GSE1: variants seen among roughly 807,000 people sequenced by gnomAD.
The protein encoded by GSE1 is Gse1 coiled-coil protein, also known as genetic suppressor element 1.
Under a neutral mutation model 112.6 loss-of-function variants are expected in GSE1, and 32 were observed. That is an observed-to-expected ratio of 0.28 (90% CI 0.21 to 0.38). The LOEUF is 0.38. Ranked by LOEUF, GSE1 falls within the 10% of genes least tolerant of loss-of-function variation. The probability of loss-of-function intolerance (pLI) is 1.00; values close to 1 mark genes in which losing one functional copy is unlikely to be tolerated. For missense variants in GSE1, 2,348 were observed against 1,699.2 expected (o/e 1.38, Z -6.71); for synonymous variants, 1,115 against 735.6 (o/e 1.52, Z -8.35).
At chr16:85,555,012 G>A (rs2045128817), upstream of GSE1, 2 of 985,240 alleles carry the variant, frequency 2.0e-6, no homozygotes, top group Non-Finnish European at 2.4e-6. Flanking sequence ...GCCCGGCTCG[G>A]CGGCCGCGCG....
At chr16:85,616,949 A>G (rs796938552) in intron 1 of GSE1, among the ~76,000 whole-genome samples, 11 of 152,264 alleles carry the variant, frequency 7.2e-5, no homozygotes, top group African/African-American at 2.4e-4. Context: ...ATGCCTGCCA[A>G]ACGCACACTC....
chr16:85,441,589 G>C (rs147403735), intron 2 of GSE1, among the ~76,000 whole-genome samples: 1 of 151,462 alleles, frequency 6.6e-6, no homozygotes, highest in African/African-American at 2.4e-5. Context: ...AGAGGTTGCA[G>C]TGAGCCAAGA....
chr16:85,521,714 G>C (rs1047528468), intron 2 of GSE1, among the ~76,000 whole-genome samples: 1 of 152,264 alleles, frequency 6.6e-6, no homozygotes, highest in Non-Finnish European at 1.5e-5. Flanking sequence ...GGAGGAGCAG[G>C]AGTGTGTTGC....
chr16:85,528,638 T>TTTTTGTTTTG (rs71151301), intron 2 of GSE1, among the ~76,000 whole-genome samples: 11,082 of 145,104 alleles, frequency 0.076, 476 homozygotes, highest in Middle Eastern at 0.13. Context: ...GGATTGCTGT[T>TTTTTGTTTTG]TTTTGTTTTG....
chr16:85,571,162 A>G (rs1283090899), intron 1 of GSE1, among the ~76,000 whole-genome samples: 2 of 152,120 alleles, frequency 1.3e-5, no homozygotes, highest in Non-Finnish European at 2.9e-5. Flanking sequence ...CTTTCTAACA[A>G]GGCACAGGGG....
rs532425809 is a variant in GSE1 at position 85,618,411 on chromosome 16, G to A, written c.7+5013G>A. 2.4e-4 allele frequency among the ~76,000 whole-genome samples: 37 copies of A among 152,332 alleles called. 1 individual carries two copies. The highest frequency in any genetic ancestry group is 6.8e-3 in the Middle Eastern group (2 of 294). On this transcript the variant is annotated intron_variant, in intron 1 of 15. Coordinates refer to ENST00000253458, the MANE Select transcript of GSE1 (RefSeq NM_014615.5). ...GGTGAGGGTTGAGAAGGCCTGGAGCGTGGGGTGAGCCCCTGATGAGTGTCA... is the reference window on the plus strand; with the variant it reads ...GGTGAGGGTTGAGAAGGCCTGGAGCATGGGGTGAGCCCCTGATGAGTGTCA...
chr16:85,194,105 C>G (rs972149841), intron 1 of GSE1, among the ~76,000 whole-genome samples: 4 of 152,198 alleles, frequency 2.6e-5, no homozygotes, highest in African/African-American at 7.2e-5. Flanking sequence ...TCTGACTCAA[C>G]GACGTAGCAG....
chr16:85,583,142 A>T (rs1296394498), intron 1 of GSE1, among the ~76,000 whole-genome samples: 1 of 152,108 alleles, frequency 6.6e-6, no homozygotes, highest in Non-Finnish European at 1.5e-5. Context: ...GGGGGACGGT[A>T]GGAAACGCTG....
chr16:85,382,179 C>T (rs769051586), intron 2 of GSE1, among the ~76,000 whole-genome samples: 5 of 152,260 alleles, frequency 3.3e-5, no homozygotes, highest in East Asian at 3.9e-4. Context: ...TGCTGGGGCC[C>T]GGGGCTCGCT....
rs1598739103 is a variant in GSE1 at position 85,672,667 on chromosome 16, A to G, written c.*128A>G. ...ATGAGAATGTGCCATGCATGAAGCAAAGGATTCCAGGCTCCAGAAAAAATG... is the reference window on the plus strand; with the variant it reads ...ATGAGAATGTGCCATGCATGAAGCAGAGGATTCCAGGCTCCAGAAAAAATG... On this transcript the variant is annotated 3_prime_UTR_variant, in exon 16 of 16. Coordinates refer to ENST00000253458, the MANE Select transcript of GSE1 (RefSeq NM_014615.5). 1.7e-6 allele frequency: 1 copy of G among 593,582 alleles called. No individual in the cohort carries two copies. Among genetic ancestry groups the G allele is most frequent in the East Asian group, 3.1e-5 (1 of 32,102 alleles). 36.8% of individuals were successfully genotyped at this position (593,582 alleles called of 1,614,324 possible).
At chr16:85,201,772 T>C (rs540983624) in intron 1 of GSE1, among the ~76,000 whole-genome samples, 30 of 152,268 alleles carry the variant, frequency 2.0e-4, no homozygotes, top group African/African-American at 7.2e-4. Context: ...TCTCTACGTG[T>C]TGGAGATGTG....
rs145431199 is a variant in GSE1 at position 85,432,073 on chromosome 16, C to T, written c.2464+74430C>T. On this transcript the variant is annotated intron_variant, in intron 2 of 2. Transcript: ENST00000637419. ...GCACGCCCCCGAACTCACCCCTCACCCCTCTTCCCCCATAAACGACCACTG... is the reference window on the plus strand; with the variant it reads ...GCACGCCCCCGAACTCACCCCTCACTCCTCTTCCCCCATAAACGACCACTG... Among the ~76,000 whole-genome samples the T allele has an allele frequency of 2.3e-3, 351 of 152,340 alleles. 2 individuals carry two copies. The highest frequency in any genetic ancestry group is 6.8e-3 in the Middle Eastern group (2 of 294).
chr16:85,188,696 G>A (rs1422393888), intron 1 of GSE1, among the ~76,000 whole-genome samples: 2 of 151,952 alleles, frequency 1.3e-5, no homozygotes, highest in African/African-American at 2.4e-5. Flanking sequence ...AGATACGGGG[G>A]AGGCTGAGGC....
upstream of GSE1, among the ~76,000 whole-genome samples, chr16:85,552,763 C>T (rs1027750307): frequency 1.3e-5 from 2 of 152,232 alleles, no homozygotes; most frequent in African/African-American, 2.4e-5. Context: ...CTGGCATAGT[C>T]TTCCCCACTG....
chr16:85,619,110 C>A (rs945601826), intron 1 of GSE1, among the ~76,000 whole-genome samples: 1 of 152,204 alleles, frequency 6.6e-6, no homozygotes, highest in Non-Finnish European at 1.5e-5. Flanking sequence ...CCCTGCCGGC[C>A]CCTCTGCTGG....
chr16:85,364,280 C>G (rs911091068), intron 2 of GSE1, among the ~76,000 whole-genome samples: 1 of 152,214 alleles, frequency 6.6e-6, no homozygotes, highest in Non-Finnish European at 1.5e-5. Flanking sequence ...TCTCTCTCCT[C>G]TTCTCCTGCC....
chr16:85,210,663 C>T (rs528177538), intron 1 of GSE1, among the ~76,000 whole-genome samples: 1 of 152,186 alleles, frequency 6.6e-6, no homozygotes, highest in Non-Finnish European at 1.5e-5. Flanking sequence ...GTCCTGATTC[C>T]AGCCTTAAAG....
At chr16:85,486,010 T>C (rs1419872490) in intron 2 of GSE1, among the ~76,000 whole-genome samples, 2 of 152,046 alleles carry the variant, frequency 1.3e-5, no homozygotes, top group African/African-American at 4.8e-5. Context: ...TGCTAGGGGG[T>C]GTCATGGCCC....
At chr16:85,559,616 T>C (rs909301404) in intron 1 of GSE1, among the ~76,000 whole-genome samples, 1 of 151,124 alleles carries the variant, frequency 6.6e-6, no homozygotes, top group African/African-American at 2.4e-5. Flanking sequence ...GTTTGACAGG[T>C]GAGAGGACTG....
Sources: gnomAD v4.1 joint callset for allele counts (sites outside exome capture counted in the v4.1 genomes callset) on GRCh38, gnomAD v4.1.1 for gene constraint, MANE v1.5 for transcripts, NCBI Gene and HGNC (gene_info 2026-07-23, HGNC 2026-07-21) for gene names.